Variants in PEX1 observed in about 807,000 individuals in gnomAD.
The protein encoded by PEX1 is peroxisomal ATPase PEX1.
PEX1 carries 97 observed loss-of-function variants against 152.5 expected under a neutral mutation model. That is an observed-to-expected ratio of 0.64 (90% CI 0.54 to 0.75). PEX1 has a LOEUF of 0.75. PEX1 is among the 30% of genes least tolerant of loss of function. The pLI is 0.00. For missense variants in PEX1, 1,357 were observed against 1,516.3 expected (o/e 0.89, Z 1.74); for synonymous variants, 485 against 531.6 (o/e 0.91, Z 1.21).
intron 15 of PEX1, 80 bp from the exon 16 acceptor site, chr7:92,499,918 A>G: frequency 4.3e-6 from 5 of 1,165,398 alleles, no homozygotes; most frequent in Non-Finnish European, 5.0e-6. Context: ...AGATCAATGT[A>G]TAGAAAAAAA....
chr7:92,501,648 G>T lies in PEX1; in HGVS notation c.2442C>A (p.Phe814Leu), dbSNP rs145430946. Residue 814 changes from phenylalanine to leucine, a missense_variant, in exon 15 of 24, where the codon TTC (phenylalanine) becomes TTA (leucine). Phe to Leu is a conservative substitution (Grantham distance 22). Transcript: ENST00000248633. ...REKLVLTTLD[F>L]QKALRGFLPA... Reference sequence around the variant, plus strand: ...GAAGAAATCCGCGGAGAGCCTTTTGGAAGTCCAATGTTGTTAAAACTAATT... The same window carrying T: ...GAAGAAATCCGCGGAGAGCCTTTTGTAAGTCCAATGTTGTTAAAACTAATT... 6.2e-7 allele frequency: 1 copy of T among 1,613,760 alleles called. No individual in the cohort carries two copies. Among genetic ancestry groups the T allele is most frequent in the East Asian group, 2.2e-5 (1 of 44,868 alleles).
chr7:92,518,032 T>C lies in PEX1; in HGVS notation c.483A>G (p.Ile161Met). Residue 161 changes from isoleucine (I) to methionine (M), a missense_variant, in exon 5 of 24, where the codon ATA (isoleucine) becomes ATG (methionine). Transcript: ENST00000248633. ...CCAGCCTTCCATAAGAGGCAGCTGG[T>C]ATTAGTGCAACTGTGTAGAAAATAA... is the stretch of plus-strand genomic sequence containing the variant. Reference protein sequence around the residue: ...TYIFIQIVALIPAASYGRLET... With the variant: ...TYIFIQIVALMPAASYGRLET... 6.2e-7 allele frequency: 1 copy of C among 1,614,168 alleles called. No individual in the cohort carries two copies. Among genetic ancestry groups the C allele is most frequent in the Non-Finnish European group, 8.5e-7 (1 of 1,180,022 alleles).
At position 92,518,027 on chromosome 7, in the gene PEX1, G is replaced by A; in HGVS notation, c.488C>T (p.Ala163Val). 1 of 1,614,124 alleles carries A rather than the reference G, an allele frequency of 6.2e-7. No individual in the cohort carries two copies. Among genetic ancestry groups the A allele is most frequent in the Non-Finnish European group, 8.5e-7 (1 of 1,180,000 alleles). ...IFIQIVALIP[A>V]ASYGRLETDT... The stretch of plus-strand genomic sequence containing the variant: ...AGTTTCCAGCCTTCCATAAGAGGCA[G>A]CTGGTATTAGTGCAACTGTGTAGAA... Residue 163 changes from alanine (A) to valine (V), a missense_variant, in exon 5 of 24, where the codon GCT becomes GTT. Physicochemically the swap from Ala to Val is moderately conservative, Grantham distance 64 (BLOSUM62 0). Coordinates refer to ENST00000248633, the MANE Select transcript of PEX1 (RefSeq NM_000466.3).
intron 5 of PEX1, among the ~76,000 whole-genome samples, chr7:92,516,055 A>AGAGAAGAGAAGAGAAGAGAAGAGAAGAG: frequency 1.2e-5 from 1 of 85,792 alleles, no homozygotes; most frequent in Non-Finnish European, 2.3e-5. Flanking sequence ...AGAGAAGAGA[A>AGAGAAGAGAAGAGAAGAGAAGAGAAGAG]AAAAGAAAAG....
intron 12 of PEX1, 118 bp from the exon 13 acceptor site, chr7:92,503,313 G>A (rs1792026261): frequency 1.2e-6 from 1 of 822,118 alleles, no homozygotes; most frequent in Non-Finnish European, 2.0e-6. Flanking sequence ...AGTATGTATG[G>A]TATCGCTCTT....
In PEX1 at chr7:92,491,420, G is replaced by C; in HGVS notation, c.3290C>G (p.Ala1097Gly). The change falls in exon 21 of 24, where the codon GCT becomes GGT. Residue 1097 changes from alanine (A) to glycine (G), a missense_variant. Physicochemically the swap from Ala to Gly is moderately conservative, Grantham distance 60. Transcript: ENST00000248633. ...ATCTAAGCCACATTCTCCATCTCCA[G>C]CTGAATCGTCAGAGCCACTGCTATG... is the stretch of plus-strand genomic sequence containing the variant. ...LNHSSGSDDSAGDGECGLDQS... is the reference protein window; with the variant it reads ...LNHSSGSDDSGGDGECGLDQS... The C allele has an allele frequency of 6.2e-7, 1 of 1,613,666 alleles. No homozygotes were observed. Among genetic ancestry groups the C allele is most frequent in the Non-Finnish European group, 8.5e-7 (1 of 1,179,602 alleles).
In PEX1 at chr7:92,489,226, G is replaced by T. The variant is rs142422529; in HGVS notation, c.3767+67C>A. On this transcript the variant is annotated intron_variant, in intron 23 of 23. Transcript: ENST00000248633. ...TTTTATTTTAAACACGAACTTTAAA[G>T]GTTTAAGTGTAATACTATGTCACTT... 1.0e-3 allele frequency: 1,378 copies of T among 1,338,092 alleles called. 11 individuals carry two copies. In the African/African-American group the frequency reaches 0.017, roughly 17 times the overall value. The allele number at this position is 1,338,092 out of a possible 1,614,324, so 82.9% of individuals were successfully genotyped here.
intron 21 of PEX1, 75 bp from the exon 22 acceptor site, chr7:92,489,986 A>C: frequency 8.9e-7 from 1 of 1,127,812 alleles, no homozygotes; most frequent in Non-Finnish European, 1.3e-6. Flanking sequence ...ACCAAATATA[A>C]AAATTAAACA....
chr7:92,492,933 A>G lies in PEX1; in HGVS notation c.3207+20T>C. 1 of 1,592,984 alleles carries G rather than the reference A, an allele frequency of 6.3e-7. No individual in the cohort carries two copies. Among genetic ancestry groups the G allele is most frequent in the Non-Finnish European group, 8.6e-7 (1 of 1,160,842 alleles). ...TTTATCACTCATAAAATGTCATAACAACTTCCTCATATAACTTGCCTGGAG... is the reference window on the plus strand; with the variant it reads ...TTTATCACTCATAAAATGTCATAACGACTTCCTCATATAACTTGCCTGGAG... On this transcript the variant is annotated intron_variant, in intron 20 of 23. Coordinates refer to ENST00000248633, the MANE Select transcript of PEX1 (RefSeq NM_000466.3).
chr7:92,506,154 G>A (rs1380192919), intron 11 of PEX1, 94 bp downstream of exon 11: 3 of 753,508 alleles, frequency 4.0e-6, no homozygotes, highest in Admixed American at 1.8e-5. Context: ...AAGACTAGAT[G>A]ATATGTGTAT....
Position 92,517,499 on chromosome 7 carries a change from A to G in PEX1, c.1016T>C (p.Leu339Pro), listed in dbSNP as rs1339969351. 6.2e-7 allele frequency: 1 copy of G among 1,614,080 alleles called. No individual in the cohort carries two copies. The highest frequency in any genetic ancestry group is 8.5e-7 in the Non-Finnish European group (1 of 1,180,020). The change falls in exon 5 of 24, where the codon CTT becomes CCT. Residue 339 changes from leucine to proline, a missense_variant. By Grantham distance (98) the Leu-to-Pro change is moderately conservative (BLOSUM62 -3). Transcript: ENST00000248633. ...TTTACTTTGCTGTTGCTTTGGAGAAAGTAGCTTAACTAGCTTTCCATATGT... is the reference window on the plus strand; with the variant it reads ...TTTACTTTGCTGTTGCTTTGGAGAAGGTAGCTTAACTAGCTTTCCATATGT... The part of the protein sequence containing the change: ...TVTYGKLVKL[L>P]SPKQQQSKTK...
chr7:92,493,007 A>G lies in PEX1; in HGVS notation c.3153T>C (p.Leu1051=). 1 of 1,613,926 alleles carries G rather than the reference A, an allele frequency of 6.2e-7. No individual in the cohort carries two copies. Among genetic ancestry groups the G allele is most frequent in the Non-Finnish European group, 8.5e-7 (1 of 1,179,822 alleles). ...SFTGADLKAL[L]YNAQLEALHG... ...GTAAGGCCTCCAATTGGGCATTGTAAAGTAAAGCTTTCAGATCAGCTCCAG... is the reference window on the plus strand; with the variant it reads ...GTAAGGCCTCCAATTGGGCATTGTAGAGTAAAGCTTTCAGATCAGCTCCAG... Residue 1051 remains leucine, a synonymous_variant, in exon 20 of 24, where the codon CTT becomes CTC. Coordinates refer to ENST00000248633, the MANE Select transcript of PEX1 (RefSeq NM_000466.3).
At position 92,507,192 on chromosome 7, in the gene PEX1, A is replaced by T. The variant is rs561034588; in HGVS notation, c.1671-66T>A. On this transcript the variant is annotated intron_variant, in intron 9 of 23. Transcript: ENST00000248633. ...CAGGATAAAATTTAGCTATAAAAAA[A>T]TGCTGAATTTTGCCTTCCCAGTGTA... The T allele has an allele frequency of 2.9e-5, 43 of 1,491,892 alleles. No homozygotes were observed. The East Asian group carries it at 8.4e-4, about 29-fold the overall frequency. 92.4% of individuals were successfully genotyped at this position (1,491,892 alleles called of 1,614,324 possible).
intron 9 of PEX1, chr7:92,507,741 C>T (rs757303235): frequency 3.5e-5 from 5 of 144,520 alleles, no homozygotes; most frequent in South Asian, 2.2e-4. Context: ...CTCCCAAGTT[C>T]GAGCAATTCT....
intron 9 of PEX1, among the ~76,000 whole-genome samples, chr7:92,508,730 A>T (rs1792315975): frequency 6.6e-6 from 1 of 152,080 alleles, no homozygotes; most frequent in African/African-American, 2.4e-5. Flanking sequence ...TTCTCATATT[A>T]TATAAGAAAT....
At chr7:92,492,856 G>A in intron 20 of PEX1, 97 bp downstream of exon 20, 1 of 929,348 alleles carries the variant, frequency 1.1e-6, no homozygotes, top group South Asian at 1.3e-5. Context: ...TTTTACCAAA[G>A]TTGTTTAAAA....
chr7:92,519,291 C>G (rs1792949007), intron 2 of PEX1, among the ~76,000 whole-genome samples: 1 of 151,918 alleles, frequency 6.6e-6, no homozygotes, highest in Admixed American at 6.6e-5. Flanking sequence ...GTGGTACAAT[C>G]ATAGTTCACT....
intron 1 of PEX1, among the ~76,000 whole-genome samples, chr7:92,522,860 C>A (rs896866631): frequency 6.6e-6 from 1 of 152,024 alleles, no homozygotes; most frequent in African/African-American, 2.4e-5. Flanking sequence ...AAGCACAAAA[C>A]GTACAAAAGG....
chr7:92,487,537 C>T lies in PEX1; in HGVS notation c.3772G>A (p.Glu1258Lys), dbSNP rs749050363. The change falls in exon 24 of 24, where the codon GAA (glutamate) becomes AAA (lysine). Residue 1258 changes from glutamate to lysine, a missense_variant. Physicochemically the swap from Glu to Lys is moderately conservative, Grantham distance 56. Coordinates refer to ENST00000248633, the MANE Select transcript of PEX1 (RefSeq NM_000466.3). ...DDWKNFAELY[E>K]SFQNPKRRKN... ...CTCCTCTTTGGATTTTGAAAGCTTT[C>T]ATATCTGAAAAAAGAAAGAGATAAT... 4 of 1,518,550 alleles carry T rather than the reference C, an allele frequency of 2.6e-6. No individual in the cohort carries two copies. Among genetic ancestry groups the T allele is most frequent in the East Asian group, 2.3e-5 (1 of 44,096 alleles). The allele number at this position is 1,518,550 out of a possible 1,614,324, so 94.1% of individuals were successfully genotyped here.
Sources: gnomAD v4.1 joint callset for allele counts (sites outside exome capture counted in the v4.1 genomes callset) on GRCh38, gnomAD v4.1.1 for gene constraint, MANE v1.5 for transcripts, NCBI Gene and HGNC (gene_info 2026-07-23, HGNC 2026-07-21) for gene names.